Variants in NPAS3 observed in about 807,000 individuals in gnomAD.
The protein encoded by NPAS3 is neuronal PAS domain-containing protein 3.
Under a neutral mutation model 73.1 loss-of-function variants are expected in NPAS3, and 14 were observed. That is an observed-to-expected ratio of 0.19 (90% confidence interval 0.13 to 0.30). The LOEUF is 0.30. NPAS3 is among the 10% of genes least tolerant of loss of function. The probability of loss-of-function intolerance (pLI) is 1.00; values close to 1 mark genes in which losing one functional copy is unlikely to be tolerated. For missense variants in NPAS3, 1,096 were observed against 1,250.0 expected, an observed-to-expected ratio of 0.88 and a Z score of 1.86; for synonymous variants, 620 against 541.5, an observed-to-expected ratio of 1.14 and a Z score of -2.01.
chr14:33,093,797 G>A (rs983742209), intron 2 of NPAS3, among the ~76,000 whole-genome samples: 5 of 152,082 alleles, frequency 3.3e-5, no homozygotes, highest in Non-Finnish European at 7.4e-5. Flanking sequence ...CTACAAAAAA[G>A]GATGAGTTTT....
At chr14:33,520,405 GGTTT>G (rs929808266) in intron 4 of NPAS3, among the ~76,000 whole-genome samples, 1 of 151,972 alleles carries the variant, frequency 6.6e-6, no homozygotes, top group Non-Finnish European at 1.5e-5. Context: ...TGCTGAGGGA[GGTTT>G]GTTTTCTTTT....
intron 6 of NPAS3, among the ~76,000 whole-genome samples, chr14:33,677,167 A>C (rs1380359960): frequency 6.6e-6 from 1 of 152,214 alleles, no homozygotes; most frequent in Admixed American, 6.5e-5. Context: ...GGGTCTTCCG[A>C]GAGCGCTGGT....
intron 2 of NPAS3, among the ~76,000 whole-genome samples, chr14:33,129,162 T>G (rs538378896): frequency 8.9e-4 from 136 of 152,250 alleles, no homozygotes; most frequent in African/African-American, 2.4e-3. Flanking sequence ...ACTCACTGAT[T>G]GAAACAAATA....
intron 7 of NPAS3, among the ~76,000 whole-genome samples, chr14:33,761,821 C>T (rs1177001517): frequency 6.6e-6 from 1 of 152,156 alleles, no homozygotes; most frequent in Middle Eastern, 3.2e-3. Context: ...GAATTCTTCC[C>T]ATTTCATTCC....
intron 7 of NPAS3, among the ~76,000 whole-genome samples, chr14:33,735,568 G>A (rs2061502683): frequency 6.6e-6 from 1 of 152,042 alleles, no homozygotes; most frequent in African/African-American, 2.4e-5. Flanking sequence ...TTAACACATT[G>A]ATTAAAAATA....
intron 5 of NPAS3, among the ~76,000 whole-genome samples, chr14:33,654,594 C>T (rs2059090851): frequency 6.6e-6 from 1 of 152,128 alleles, no homozygotes; most frequent in Non-Finnish European, 1.5e-5. Flanking sequence ...GGCATTTAAC[C>T]TCTTTAGACA....
intron 3 of NPAS3, among the ~76,000 whole-genome samples, chr14:33,328,741 C>T (rs1443352762): frequency 6.6e-6 from 1 of 151,990 alleles, no homozygotes; most frequent in Non-Finnish European, 1.5e-5. Flanking sequence ...TATTTTCTAC[C>T]TTTTCCGTTC....
intron 3 of NPAS3, among the ~76,000 whole-genome samples, chr14:33,257,100 C>T (rs760839307): frequency 2.0e-5 from 3 of 152,194 alleles, no homozygotes; most frequent in Admixed American, 1.3e-4. Context: ...CACTCCCAGA[C>T]ATGATTGTTT....
rs75676088 is a variant in NPAS3, at chr14:33,454,022, C to T, written c.468+86754C>T. ...TTTCCTTTTTTAAATTAAGCAACAA[C>T]GAAGGTTTTCCCTTTTTGCCCTGGC... On this transcript the variant is annotated intron_variant, in intron 4 of 11. Coordinates refer to ENST00000356141, the Ensembl canonical transcript of NPAS3. Among the ~76,000 whole-genome samples, 1,432 of 152,258 alleles carry T rather than the reference C, an allele frequency of 9.4e-3. 17 individuals are homozygous for T. Among genetic ancestry groups the T allele is most frequent in the African/African-American group, 0.032 (1,339 of 41,548 alleles).
At chr14:33,351,856 A>G (rs951511357) in intron 3 of NPAS3, among the ~76,000 whole-genome samples, 3 of 152,164 alleles carry the variant, frequency 2.0e-5, no homozygotes, top group Non-Finnish European at 2.9e-5. Context: ...ATGAGAACAC[A>G]TGGACCCAGG....
intron 3 of NPAS3, among the ~76,000 whole-genome samples, chr14:33,269,364 C>T (rs928755370): frequency 6.6e-6 from 1 of 152,102 alleles, no homozygotes; most frequent in Non-Finnish European, 1.5e-5. Flanking sequence ...GATCTATGTA[C>T]TTATCTTTCC....
chr14:33,055,682 A>G (rs547545984), intron 1 of NPAS3, among the ~76,000 whole-genome samples: 19 of 152,300 alleles, frequency 1.2e-4, no homozygotes, highest in African/African-American at 4.6e-4. Flanking sequence ...AAAACAAAAC[A>G]AAACTGTCCT....
chr14:33,230,806 C>T (rs1317371469), intron 3 of NPAS3, among the ~76,000 whole-genome samples: 1 of 152,082 alleles, frequency 6.6e-6, no homozygotes, highest in Non-Finnish European at 1.5e-5. Flanking sequence ...GAAAAATGCT[C>T]AATTAAATGG....
At chr14:33,501,912 C>G (rs558371534) in intron 4 of NPAS3, among the ~76,000 whole-genome samples, 2 of 151,888 alleles carry the variant, frequency 1.3e-5, no homozygotes. Context: ...CACATTTATA[C>G]GTTAAGATAA....
chr14:33,163,668 C>T (rs17100293), intron 2 of NPAS3, among the ~76,000 whole-genome samples: 5,328 of 141,144 alleles, frequency 0.038, 302 homozygotes, highest in African/African-American at 0.13. Context: ...TGTCCTTGAA[C>T]CCATTTTCCT....
chr14:33,079,609 CTTTTTTTTTTT>C (rs34920021), intron 2 of NPAS3, among the ~76,000 whole-genome samples: 25 of 56,064 alleles, frequency 4.5e-4, no homozygotes, highest in East Asian at 6.1e-4. Context: ...TGAGCCAGGC[CTTTTTTTTTTT>C]TTTTTTTTTT....
At chr14:33,688,772 C>T (rs2060156295) in intron 6 of NPAS3, among the ~76,000 whole-genome samples, 1 of 152,190 alleles carries the variant, frequency 6.6e-6, no homozygotes, top group Non-Finnish European at 1.5e-5. Flanking sequence ...CCCCATCCTA[C>T]CTATTCTTCA....
chr14:33,336,928 G>A (rs1412834104), intron 3 of NPAS3, among the ~76,000 whole-genome samples: 1 of 152,058 alleles, frequency 6.6e-6, no homozygotes, highest in Non-Finnish European at 1.5e-5. Flanking sequence ...TTATTGGGTT[G>A]TTTGTCTTTG....
At chr14:33,395,666 C>T (rs1242010793) in intron 4 of NPAS3, among the ~76,000 whole-genome samples, 1 of 152,078 alleles carries the variant, frequency 6.6e-6, no homozygotes, top group African/African-American at 2.4e-5. Flanking sequence ...TTCATAAAAG[C>T]TTAACCCAGT....
Sources: allele counts gnomAD v4.1 joint callset (sites outside exome capture counted in the v4.1 genomes callset), GRCh38; gene constraint gnomAD v4.1.1; transcripts MANE v1.5; gene names NCBI Gene and HGNC (gene_info 2026-07-23, HGNC 2026-07-21).